The following ERI1 variants were observed in gnomAD, a reference collection of about 807,000 sequenced individuals.
ERI1 encodes exoribonuclease 1.
ERI1 carries 39 observed loss-of-function variants against 39.7 expected under a neutral mutation model. That is an observed-to-expected ratio of 0.98 (90% CI 0.76 to 1.28). The LOEUF (loss-of-function observed/expected upper bound fraction) is 1.28. Ranked by LOEUF, ERI1 falls within the 50% of genes most tolerant of loss-of-function variation. The pLI, the probability that ERI1 is intolerant of heterozygous loss-of-function variation, is 0.00. For synonymous variants in ERI1, 204 were observed against 149.6 expected, an observed-to-expected ratio of 1.36 and a Z score of -2.65; for missense variants, 581 against 416.9, an observed-to-expected ratio of 1.39 and a Z score of -3.43.
At chr8:9,034,080 C>T (rs1449360913), downstream of ERI1, among the ~76,000 whole-genome samples, 6 of 152,186 alleles carry the variant, frequency 3.9e-5, no homozygotes, top group African/African-American at 7.2e-5. Flanking sequence ...ATGTTAGTGT[C>T]TTGAGTTTAT....
chr8:9,053,767 C>T (rs1798427958), intron 3 of ERI1, among the ~76,000 whole-genome samples: 1 of 152,154 alleles, frequency 6.6e-6, no homozygotes, highest in Admixed American at 6.5e-5. Flanking sequence ...GTAGGACACC[C>T]AGTGAATGTT....
At chr8:9,050,483 G>A (rs1798321869) in intron 3 of ERI1, among the ~76,000 whole-genome samples, 1 of 144,534 alleles carries the variant, frequency 6.9e-6, no homozygotes, top group South Asian at 2.3e-4. Flanking sequence ...CTCCAGCCTG[G>A]GCAACAAGAG....
chr8:9,070,815 G>C (rs1165937477), intron 3 of ERI1, among the ~76,000 whole-genome samples: 1 of 152,240 alleles, frequency 6.6e-6, no homozygotes, highest in Non-Finnish European at 1.5e-5. Context: ...AACCACGTTT[G>C]TAACTTGGGG....
At chr8:9,026,424 C>G (rs1025648740) in intron 6 of ERI1, among the ~76,000 whole-genome samples, 5 of 152,160 alleles carry the variant, frequency 3.3e-5, no homozygotes, top group Non-Finnish European at 7.3e-5. Context: ...AATCATCATT[C>G]TTCTGTCTCT....
rs1348389378 is a variant in ERI1 at position 9,018,401 on chromosome 8, A to C, written c.687A>C (p.Thr229=). Reference sequence around the variant, plus strand: ...CAAAGTATAAATACTCACTTTTAACAGATGGGTAAGTATTTAGGAAGATTA... The same window carrying C: ...CAAAGTATAAATACTCACTTTTAACCGATGGGTAAGTATTTAGGAAGATTA... ...LGTKYKYSLL[T]DGSWDMSKFL... The change falls in exon 5 of 7, where the codon ACA becomes ACC. Residue 229 remains threonine (T), a synonymous_variant. Transcript: ENST00000250263. The C allele has an allele frequency of 6.7e-7, 1 of 1,503,276 alleles. No individual in the cohort carries two copies. The highest frequency in any genetic ancestry group is 1.1e-5 in the South Asian group (1 of 88,150). The allele number at this position is 1,503,276 out of a possible 1,614,324, so 93.1% of individuals were successfully genotyped here.
At chr8:9,096,716 T>TA (rs998495560) in intron 3 of ERI1, 9 of 74,090 alleles carry the variant, frequency 1.2e-4, no homozygotes, top group Non-Finnish European at 2.3e-4. Context: ...ATCTTTTTTT[T>TA]TTTTTTTTTT....
chr8:9,009,254 G>C (rs1404661636), intron 2 of ERI1: 1 of 343,622 alleles, frequency 2.9e-6, no homozygotes, highest in Admixed American at 4.0e-5. Flanking sequence ...TCAGTCTTTT[G>C]GGAAAACATA....
intron 3 of ERI1, among the ~76,000 whole-genome samples, chr8:9,066,097 C>T (rs1798867346): frequency 1.3e-5 from 2 of 152,176 alleles, no homozygotes; most frequent in South Asian, 4.1e-4. Flanking sequence ...CCCTGTTTGC[C>T]ACCAGGGGCT....
chr8:9,039,707 ATTAAC>A (rs1797958012), intron 3 of ERI1, among the ~76,000 whole-genome samples: 2 of 152,212 alleles, frequency 1.3e-5, no homozygotes, highest in Non-Finnish European at 2.9e-5. Flanking sequence ...TGTTAATAAT[ATTAAC>A]TTTTACTAGG....
intron 2 of ERI1, among the ~76,000 whole-genome samples, chr8:9,009,564 A>T (rs1816442512): frequency 6.6e-6 from 1 of 152,148 alleles, no homozygotes. Context: ...TTTTTGAGAC[A>T]GAGTCTTGCT....
In ERI1 at chr8:9,052,007, C is replaced by T. The variant is rs78290689; in HGVS notation, n.299+31543C>T. Among the ~76,000 whole-genome samples the T allele has an allele frequency of 5.8e-3, 879 of 152,306 alleles. 8 individuals are homozygous for T. The highest frequency in any genetic ancestry group is 0.02 in the African/African-American group (815 of 41,562). On this transcript the variant is annotated intron_variant and non_coding_transcript_variant, in intron 3 of 3. Coordinates refer to the ERI1 transcript ENST00000518663. ...CCTTGCTCTGTTAAACGGGGGCATG[C>T]CAGCCCAGATCTCATAGGGTCGTAG... is the stretch of plus-strand genomic sequence containing the variant.
chr8:9,065,664 C>T (rs1021482084), intron 3 of ERI1, among the ~76,000 whole-genome samples: 30 of 138,734 alleles, frequency 2.2e-4, no homozygotes, highest in African/African-American at 7.9e-4. Context: ...CACTGCACTC[C>T]AGCCTGGGCA....
At chr8:9,033,549 G>A (rs1797732900), downstream of ERI1, among the ~76,000 whole-genome samples, 1 of 137,386 alleles carries the variant, frequency 7.3e-6, no homozygotes, top group South Asian at 2.5e-4. Context: ...ACTGTGATGA[G>A]AGCGTAGAGC....
chr8:9,035,790 T>A (rs577760655), downstream of ERI1, among the ~76,000 whole-genome samples: 5 of 152,334 alleles, frequency 3.3e-5, no homozygotes, highest in Admixed American at 1.3e-4. Context: ...GTCTGATGGA[T>A]CTAGGCAAAG....
intron 1 of ERI1, among the ~76,000 whole-genome samples, chr8:9,005,645 G>A (rs534692031): frequency 6.6e-6 from 1 of 151,374 alleles, no homozygotes; most frequent in African/African-American, 2.4e-5. Context: ...CTCCTGAGTA[G>A]CTGGGACTAC....
chr8:9,003,220 C>T (rs1403566507), intron 1 of ERI1, 49 bp downstream of exon 1: 3 of 1,154,144 alleles, frequency 2.6e-6, no homozygotes, highest in South Asian at 4.3e-5. Flanking sequence ...GCCCCGTCCC[C>T]AAAGCGCCCT....
At chr8:9,036,847 C>G (rs1048201695), downstream of ERI1, among the ~76,000 whole-genome samples, 1 of 152,212 alleles carries the variant, frequency 6.6e-6, no homozygotes, top group African/African-American at 2.4e-5. Context: ...CTTGCCGACT[C>G]TGCACCTTTG....
chr8:9,030,109 C>T lies in ERI1; in HGVS notation c.*75C>T, dbSNP rs76165386. 156 of 1,567,794 alleles carry T rather than the reference C, an allele frequency of 1.0e-4. 1 individual carries two copies. In the African/African-American group the frequency reaches 1.9e-3, roughly 19 times the overall value. The stretch of plus-strand genomic sequence containing the variant: ...AGCAGATGAATCTCATTGAATTAGT[C>T]CTGTAGTGCAAACTTTAAGCACCTT... On this transcript the variant is annotated 3_prime_UTR_variant, in exon 7 of 7. Coordinates refer to ENST00000250263, the MANE Select transcript of ERI1 (RefSeq NM_153332.4).
Position 9,029,868 on chromosome 8 carries a change from G to A in ERI1, c.884G>A (p.Gly295Asp). Residue 295 changes from glycine (G) to aspartate (D), a missense_variant, in exon 7 of 7, where the codon GGT becomes GAT. Gly to Asp is a moderately conservative substitution (Grantham distance 94). Transcript: ENST00000250263. ...GATTATGATGGGCGGCCTCACTGTG[G>A]TCTTGATGACTCTAAGAATATCGCC... ...GMDYDGRPHC[G>D]LDDSKNIARI... The A allele has an allele frequency of 6.2e-7, 1 of 1,614,162 alleles. No homozygotes were observed. Among genetic ancestry groups the A allele is most frequent in the Non-Finnish European group, 8.5e-7 (1 of 1,180,026 alleles).
Sources: gnomAD v4.1 joint callset for allele counts (sites outside exome capture counted in the v4.1 genomes callset) on GRCh38, gnomAD v4.1.1 for gene constraint, MANE v1.5 for transcripts, NCBI Gene and HGNC (gene_info 2026-07-23, HGNC 2026-07-21) for gene names.